The following ARHGAP26 variants were observed in gnomAD, a reference collection of about 807,000 sequenced individuals.
ARHGAP26 encodes rho GTPase-activating protein 26.
Under a neutral mutation model 104.8 loss-of-function variants are expected in ARHGAP26, and 38 were observed. The ratio of observed to expected loss-of-function variants is 0.36; its 90% CI spans 0.28 to 0.48. The LOEUF (loss-of-function observed/expected upper bound fraction) is 0.48, where lower values mean the gene tolerates loss of function less well. ARHGAP26 is among the 20% of genes least tolerant of loss of function. The probability of loss-of-function intolerance (pLI) is 0.99; values close to 1 mark genes in which losing one functional copy is unlikely to be tolerated. For synonymous variants in ARHGAP26, 341 were observed against 340.0 expected (o/e 1.00, Z -0.03); for missense variants, 704 against 947.9 (o/e 0.74, Z 3.38).
intron 20 of ARHGAP26, chr5:143,173,293 C>G (rs1803033215): frequency 6.5e-6 from 1 of 153,310 alleles, no homozygotes; most frequent in Admixed American, 6.5e-5. Context: ...ACCTCGGCCT[C>G]CCAAAGCACT....
At chr5:142,823,454 T>G (rs1390293647) in intron 1 of ARHGAP26, among the ~76,000 whole-genome samples, 1 of 152,164 alleles carries the variant, frequency 6.6e-6, no homozygotes, top group Non-Finnish European at 1.5e-5. Context: ...CTGAATGTGT[T>G]CCCACTTCTC....
chr5:143,182,837 C>T (rs942382028), intron 20 of ARHGAP26, among the ~76,000 whole-genome samples: 2 of 152,158 alleles, frequency 1.3e-5, no homozygotes, highest in African/African-American at 4.8e-5. Flanking sequence ...TAGTCATCTC[C>T]ATAAATCCTG....
intron 18 of ARHGAP26, among the ~76,000 whole-genome samples, chr5:143,126,059 C>A (rs980878464): frequency 1.3e-5 from 2 of 152,210 alleles, no homozygotes; most frequent in Non-Finnish European, 2.9e-5. Context: ...TTTCAAGGCA[C>A]TCCCATTTTA....
At chr5:142,781,206 C>G (rs1258915787) in intron 1 of ARHGAP26, among the ~76,000 whole-genome samples, 1 of 151,956 alleles carries the variant, frequency 6.6e-6, no homozygotes. Flanking sequence ...GCAGTGTGGT[C>G]ACTAATGATC....
chr5:143,188,953 AGT>A (rs1294742386), intron 20 of ARHGAP26, among the ~76,000 whole-genome samples: 1 of 152,250 alleles, frequency 6.6e-6, no homozygotes, highest in Non-Finnish European at 1.5e-5. Flanking sequence ...GGGCTTGTGT[AGT>A]TCCCCGTTTC....
At chr5:142,807,825 C>A (rs985582226) in intron 1 of ARHGAP26, among the ~76,000 whole-genome samples, 5 of 152,130 alleles carry the variant, frequency 3.3e-5, no homozygotes, top group Non-Finnish European at 7.4e-5. Context: ...GGGGACTTTA[C>A]CCGCTGTCTT....
intron 1 of ARHGAP26, among the ~76,000 whole-genome samples, chr5:142,834,240 A>C (rs537332923): frequency 2.0e-5 from 3 of 152,216 alleles, no homozygotes; most frequent in Non-Finnish European, 4.4e-5. Context: ...CAGTGAATAC[A>C]CTTATGTAAT....
intron 11 of ARHGAP26, among the ~76,000 whole-genome samples, chr5:142,964,381 TA>T: frequency 6.6e-6 from 1 of 152,264 alleles, no homozygotes; most frequent in East Asian, 1.9e-4. Context: ...AATTTCCTTT[TA>T]AAAAAATAAG....
chr5:142,922,588 T>C (rs1763351259), intron 10 of ARHGAP26, among the ~76,000 whole-genome samples: 1 of 152,182 alleles, frequency 6.6e-6, no homozygotes, highest in Non-Finnish European at 1.5e-5. Context: ...AAAACAAACA[T>C]GCTCAGTTAG....
At chr5:142,974,691 T>A (rs1012649766) in intron 11 of ARHGAP26, among the ~76,000 whole-genome samples, 1 of 152,210 alleles carries the variant, frequency 6.6e-6, no homozygotes, top group African/African-American at 2.4e-5. Flanking sequence ...AGCTTTTCCT[T>A]CCATCCTCGC....
intron 1 of ARHGAP26, among the ~76,000 whole-genome samples, chr5:142,850,568 G>C (rs1751320263): frequency 6.6e-6 from 1 of 152,148 alleles, no homozygotes; most frequent in African/African-American, 2.4e-5. Context: ...TATATAAGGT[G>C]GAAAAGTTTC....
At chr5:143,096,745 C>T (rs1305543295) in intron 17 of ARHGAP26, among the ~76,000 whole-genome samples, 1 of 150,684 alleles carries the variant, frequency 6.6e-6, no homozygotes, top group African/African-American at 2.4e-5. Flanking sequence ...ATTGGTATAA[C>T]TTGGTACCAC....
At chr5:142,885,183 A>G (rs569795209) in intron 4 of ARHGAP26, 115 bp from the exon 5 acceptor site, 1 of 795,384 alleles carries the variant, frequency 1.3e-6, no homozygotes, top group African/African-American at 1.7e-5. Context: ...TTACCTGAAA[A>G]GTAGGAGCTG....
intron 10 of ARHGAP26, among the ~76,000 whole-genome samples, chr5:142,925,239 G>A (rs1457996358): frequency 6.6e-6 from 1 of 152,148 alleles, no homozygotes; most frequent in South Asian, 2.1e-4. Flanking sequence ...CCATGAAGAC[G>A]AGTGACAGCT....
intron 5 of ARHGAP26, among the ~76,000 whole-genome samples, chr5:142,890,151 A>AAAAATATAT (rs1252590997): frequency 4.0e-4 from 13 of 32,428 alleles, no homozygotes; most frequent in African/African-American, 1.1e-3. Flanking sequence ...AAAAAAAAAA[A>AAAAATATAT]ATATATATAT....
intron 11 of ARHGAP26, among the ~76,000 whole-genome samples, chr5:143,002,677 G>A (rs1777366539): frequency 6.6e-6 from 1 of 152,140 alleles, no homozygotes; most frequent in South Asian, 2.1e-4. Context: ...TGCCCTTTCT[G>A]CTGCCTTTAA....
At chr5:143,175,493 TG>T (rs1803353766) in intron 20 of ARHGAP26, among the ~76,000 whole-genome samples, 1 of 152,168 alleles carries the variant, frequency 6.6e-6, no homozygotes, top group Non-Finnish European at 1.5e-5. Flanking sequence ...GAAAAAAGAT[TG>T]TTTTTTAAAC....
Position 143,006,795 on chromosome 5 carries a change from T to C in ARHGAP26, c.1108-7285T>C, listed in dbSNP as rs1321785934. On this transcript the variant is annotated intron_variant, in intron 11 of 22. Coordinates refer to ENST00000645722, the MANE Select transcript of ARHGAP26 (RefSeq NM_001135608.3). ...CTATTCATGCTTCAGATTCAAACAA[T>C]TCCTTCCCAAAAGCTTTTCCAAGTG... Among the ~76,000 whole-genome samples, 5 of 152,196 alleles carry C rather than the reference T, an allele frequency of 3.3e-5. No individual in the cohort carries two copies. In the East Asian group the frequency reaches 9.6e-4, roughly 29 times the overall value.
In ARHGAP26 at chr5:143,064,143, G is replaced by A. The variant is rs368108270; in HGVS notation, c.1538+6396G>A. Reference sequence around the variant, plus strand: ...CGTATCTCACCACTGACAATTGGCTGGAGCTGAGTAGAAGCCACACCCTAT... The same window carrying A: ...CGTATCTCACCACTGACAATTGGCTAGAGCTGAGTAGAAGCCACACCCTAT... On this transcript the variant is annotated intron_variant, in intron 17 of 22. Transcript: ENST00000645722. 7.2e-5 allele frequency among the ~76,000 whole-genome samples: 11 copies of A among 152,076 alleles called. No individual in the cohort carries two copies. The East Asian group carries it at 1.5e-3, about 21-fold the overall frequency.
Sources: gnomAD v4.1 joint callset for allele counts (sites outside exome capture counted in the v4.1 genomes callset) on GRCh38, gnomAD v4.1.1 for gene constraint, MANE v1.5 for transcripts, NCBI Gene and HGNC (gene_info 2026-07-23, HGNC 2026-07-21) for gene names.